Variants in FOXP1 observed in about 807,000 individuals in gnomAD.
The protein encoded by FOXP1 is forkhead box protein P1.
A neutral mutation model predicts 98.2 loss-of-function variants in FOXP1; 15 were observed. The ratio of observed to expected loss-of-function variants is 0.15; its 90% CI spans 0.10 to 0.24. The LOEUF (loss-of-function observed/expected upper bound fraction) is 0.24, where lower values mean the gene tolerates loss of function less well. Ranked by LOEUF, FOXP1 falls within the 10% of genes least tolerant of loss-of-function variation. The pLI, the probability that FOXP1 is intolerant of heterozygous loss-of-function variation, is 1.00. For missense variants in FOXP1, 633 were observed against 848.5 expected, an observed-to-expected ratio of 0.75 and a Z score of 3.15; for synonymous variants, 371 against 314.5, an observed-to-expected ratio of 1.18 and a Z score of -1.90.
chr3:71,487,134 G>C (rs763622323), intron 3 of FOXP1, among the ~76,000 whole-genome samples: 4 of 151,424 alleles, frequency 2.6e-5, no homozygotes, highest in African/African-American at 9.7e-5. Context: ...ACTCATTCTC[G>C]TCTTTTCCAA....
chr3:71,470,065 A>G (rs1423300958), intron 3 of FOXP1, among the ~76,000 whole-genome samples: 1 of 151,840 alleles, frequency 6.6e-6, no homozygotes, highest in East Asian at 1.9e-4. Flanking sequence ...AAATATTAAT[A>G]AAATAAAATT....
intron 6 of FOXP1, among the ~76,000 whole-genome samples, chr3:71,180,578 T>C (rs1225193679): frequency 6.6e-6 from 1 of 152,128 alleles, no homozygotes; most frequent in East Asian, 1.9e-4. Flanking sequence ...GAAAACATGG[T>C]AGATTTTTTT....
At chr3:71,307,291 A>G (rs1211026159) in intron 4 of FOXP1, among the ~76,000 whole-genome samples, 1 of 152,172 alleles carries the variant, frequency 6.6e-6, no homozygotes, top group African/African-American at 2.4e-5. Flanking sequence ...GCAGCTTTCT[A>G]TTTCAAAAGC....
Position 71,232,877 on chromosome 3 carries a change from C to CAAAAAAAAAAAAAA in FOXP1, c.-11-34499_-11-34486dup, listed in dbSNP as rs59404230. Among the ~76,000 whole-genome samples, 250 of 31,336 alleles carry CAAAAAAAAAAAAAA rather than the reference C, an allele frequency of 8.0e-3. 32 individuals are homozygous for CAAAAAAAAAAAAAA. The highest frequency in any genetic ancestry group is 0.012 in the African/African-American group (115 of 9,376). The allele number at this position is 31,336 out of a possible 152,430, so 20.6% of individuals were successfully genotyped here. A position where few individuals can be genotyped will look rare whatever the true frequency, so the allele number is the denominator to read the frequency against. On this transcript the variant is annotated intron_variant, in intron 5 of 20. Coordinates refer to ENST00000649528, the MANE Select transcript of FOXP1 (RefSeq NM_001349338.3). ...CGTGCCACAGAGCAAAACTCTGTCT[C>CAAAAAAAAAAAAAA]AAAAAAAAAAAAAAAAAAAGCAAGA...
At chr3:71,338,632 A>T (rs940927215) in intron 4 of FOXP1, among the ~76,000 whole-genome samples, 1 of 152,014 alleles carries the variant, frequency 6.6e-6, no homozygotes, top group East Asian at 1.9e-4. Context: ...GTTTCACCCT[A>T]TTAAGCCAGG....
chr3:70,997,558 T>A (rs537061643), intron 13 of FOXP1, among the ~76,000 whole-genome samples: 2 of 152,298 alleles, frequency 1.3e-5, no homozygotes, highest in South Asian at 4.2e-4. Flanking sequence ...CATTTTCTTA[T>A]CTATTTCATC....
chr3:71,194,966 C>T (rs1462284350), intron 6 of FOXP1, among the ~76,000 whole-genome samples: 2 of 152,146 alleles, frequency 1.3e-5, no homozygotes, highest in Non-Finnish European at 2.9e-5. Context: ...AGTCTACCTT[C>T]CAGCCCAGAA....
chr3:71,098,315 A>G (rs76431482), intron 7 of FOXP1, among the ~76,000 whole-genome samples: 3,887 of 152,264 alleles, frequency 0.026, 167 homozygotes, highest in African/African-American at 0.089. Flanking sequence ...TTAATTTTCT[A>G]TACTTACGAA....
At chr3:71,232,877 C>CCAAAAAAAAAAA (rs1553791711) in intron 5 of FOXP1, among the ~76,000 whole-genome samples, 1 of 31,422 alleles carries the variant, frequency 3.2e-5, no homozygotes. Context: ...AACTCTGTCT[C>CCAAAAAAAAAAA]AAAAAAAAAA....
chr3:71,377,440 T>C (rs2079806844), intron 3 of FOXP1, among the ~76,000 whole-genome samples: 1 of 152,192 alleles, frequency 6.6e-6, no homozygotes, highest in African/African-American at 2.4e-5. Context: ...CATAATCACA[T>C]TCAACCAATG....
At chr3:70,977,466 C>T (rs55741559) in intron 16 of FOXP1, among the ~76,000 whole-genome samples, 177 bp downstream of exon 16, 2,006 of 152,228 alleles carry the variant, frequency 0.013, 17 homozygotes, top group Non-Finnish European at 0.016. Context: ...ATAATCACAT[C>T]GTATTGTAAT....
At chr3:71,173,903 T>C (rs1278949612) in intron 6 of FOXP1, among the ~76,000 whole-genome samples, 1 of 152,222 alleles carries the variant, frequency 6.6e-6, no homozygotes, top group Non-Finnish European at 1.5e-5. Flanking sequence ...GAAGTTTTTG[T>C]TGTAATTGTT....
chr3:71,110,563 T>C (rs1341575440), intron 7 of FOXP1, among the ~76,000 whole-genome samples: 1 of 152,208 alleles, frequency 6.6e-6, no homozygotes, highest in East Asian at 1.9e-4. Context: ...GCTCCCTGTA[T>C]ACATTAATAA....
chr3:71,180,967 A>G (rs1430535663), intron 6 of FOXP1, among the ~76,000 whole-genome samples: 1 of 152,214 alleles, frequency 6.6e-6, no homozygotes, highest in Non-Finnish European at 1.5e-5. Context: ...CTTTTCTAAA[A>G]TGGTAAATTG....
intron 6 of FOXP1, among the ~76,000 whole-genome samples, chr3:71,195,500 T>A (rs1277575351): frequency 1.3e-5 from 2 of 152,226 alleles, no homozygotes; most frequent in Non-Finnish European, 2.9e-5. Context: ...TACCAGGCCC[T>A]TTTAAGCCAG....
At chr3:71,073,054 A>C (rs1338856157) in intron 7 of FOXP1, among the ~76,000 whole-genome samples, 2 of 152,250 alleles carry the variant, frequency 1.3e-5, no homozygotes, top group Non-Finnish European at 2.9e-5. Flanking sequence ...TGAAGCAGGA[A>C]GCTTTCAGGT....
rs147755655 is a variant in FOXP1 at position 71,427,791 on chromosome 3, G to A, written c.-168+65635C>T. Among the ~76,000 whole-genome samples, 4 of 152,294 alleles carry A rather than the reference G, an allele frequency of 2.6e-5. 1 individual carries two copies. The highest frequency in any genetic ancestry group is 4.1e-4 in the South Asian group (2 of 4,820). On this transcript the variant is annotated intron_variant, in intron 3 of 20. Transcript: ENST00000649528. ...GCCTGGCTTTCAGGCATGAATGACT[G>A]GACAGATGAGGATGAAATCAGCAAA...
chr3:71,242,946 G>C (rs2067412478), intron 5 of FOXP1, among the ~76,000 whole-genome samples: 1 of 152,154 alleles, frequency 6.6e-6, no homozygotes, highest in Non-Finnish European at 1.5e-5. Context: ...TTTCAAGGTA[G>C]AGCTAGGGCA....
intron 4 of FOXP1, among the ~76,000 whole-genome samples, chr3:71,330,265 A>G (rs2076213659): frequency 6.6e-6 from 1 of 152,216 alleles, no homozygotes; most frequent in South Asian, 2.1e-4. Context: ...CTAAGGCACA[A>G]TGATCCCACA....
Sources: gnomAD v4.1 joint callset for allele counts (sites outside exome capture counted in the v4.1 genomes callset) on GRCh38, gnomAD v4.1.1 for gene constraint, MANE v1.5 for transcripts, NCBI Gene and HGNC (gene_info 2026-07-23, HGNC 2026-07-21) for gene names.